The following NKX2-3 variants were observed in gnomAD, a reference collection of about 807,000 sequenced individuals.
NKX2-3 encodes the protein homeobox protein Nkx-2.3.
A neutral mutation model predicts 14.2 loss-of-function variants in NKX2-3; 3 were observed. The ratio of observed to expected loss-of-function variants is 0.21; its 90% CI spans 0.10 to 0.55. NKX2-3 has a LOEUF of 0.55. Among genes scored for constraint, NKX2-3 ranks in the 20% least tolerant of loss-of-function variants. The pLI, the probability that NKX2-3 is intolerant of heterozygous loss-of-function variation, is 0.94. For synonymous variants in NKX2-3, 276 were observed against 234.2 expected (o/e 1.18, Z -1.63); for missense variants, 511 against 514.5 (o/e 0.99, Z 0.06).
rs1589972516 is a variant in NKX2-3, at chr10:99,533,161, C to A, written c.30C>A (p.Thr10=). ...TGTTACCAAGCCCGGTCACCTCCAC[C>A]CCTTTCTCAGTCAAAGACATTTTGA... is the stretch of plus-strand genomic sequence containing the variant. MMLPSPVTS[T]PFSVKDILNL... is the part of the protein sequence containing the mutation. Residue 10 remains threonine, a synonymous_variant, in exon 1 of 2, where the codon ACC becomes ACA. Coordinates refer to ENST00000344586, the MANE Select transcript of NKX2-3 (RefSeq NM_145285.3). 1.9e-6 allele frequency: 3 copies of A among 1,570,364 alleles called. No homozygotes were observed. Among genetic ancestry groups the A allele is most frequent in the Non-Finnish European group, 2.6e-6 (3 of 1,153,950 alleles).
At position 99,536,056 on chromosome 10, in the gene NKX2-3, C is replaced by T. The variant is rs1463363953; in HGVS notation, c.*335C>T. On this transcript the variant is annotated 3_prime_UTR_variant, in exon 2 of 2. Transcript: ENST00000344586. ...TTCCAAAGCGAGAAGGGCTTCTCTC[C>T]CTCTGCCTTTCCGCGGCCTCCGCGA... 4 of 313,914 alleles carry T rather than the reference C, an allele frequency of 1.3e-5. No individual in the cohort carries two copies. The highest frequency in any genetic ancestry group is 6.3e-5 in the East Asian group (1 of 15,848). 19.4% of individuals were successfully genotyped at this position (313,914 alleles called of 1,614,324 possible).
In NKX2-3 at chr10:99,535,828, T is replaced by A; in HGVS notation, c.*107T>A. ...GTCAGGTCCCCTCGTTAAAAAAATA[T>A]GTACGTCTAGCTCCTCAGGGCTTCG... On this transcript the variant is annotated 3_prime_UTR_variant, in exon 2 of 2. Transcript: ENST00000344586. 7.9e-7 allele frequency: 1 copy of A among 1,262,572 alleles called. No individual in the cohort carries two copies. Among genetic ancestry groups the A allele is most frequent in the Non-Finnish European group, 1.1e-6 (1 of 950,372 alleles). 78.2% of individuals were successfully genotyped at this position (1,262,572 alleles called of 1,614,324 possible).
chr10:99,533,542 C>T (rs758998967), intron 1 of NKX2-3, 53 bp downstream of exon 1: 24 of 1,340,392 alleles, frequency 1.8e-5, no homozygotes, highest in Non-Finnish European at 2.3e-5. Flanking sequence ...AATGGCAGAG[C>T]GCACACAAAC....
chr10:99,532,994 A>T lies in NKX2-3; in HGVS notation c.-138A>T. 1.5e-6 allele frequency: 1 copy of T among 655,716 alleles called. No individual in the cohort carries two copies. The highest frequency in any genetic ancestry group is 2.7e-6 in the Non-Finnish European group (1 of 370,358). The allele number at this position is 655,716 out of a possible 1,614,324, so 40.6% of individuals were successfully genotyped here. ...AGGTCCCGGCCAATGGAGGCGATTTAGACTGGAGTGGGACCGCGTCTGTCA... is the reference window on the plus strand; with the variant it reads ...AGGTCCCGGCCAATGGAGGCGATTTTGACTGGAGTGGGACCGCGTCTGTCA... On this transcript the variant is annotated 5_prime_UTR_variant, in exon 1 of 2. The change abolishes the stop of an existing upstream ORF in the 5' untranslated region. Transcript: ENST00000344586.
chr10:99,535,306 C>G lies in NKX2-3; in HGVS notation c.680C>G (p.Ala227Gly). 2 of 1,578,828 alleles carry G rather than the reference C, an allele frequency of 1.3e-6. No homozygotes were observed. Among genetic ancestry groups the G allele is most frequent in the Non-Finnish European group, 1.7e-6 (2 of 1,163,648 alleles). ...HAPPPPPRRV[A>G]VPVLVRDGKP... ...CCCCCGCCGCCGCCGCGCCGCGTGGCTGTCCCGGTGCTGGTGCGGGACGGC... is the reference window on the plus strand; with the variant it reads ...CCCCCGCCGCCGCCGCGCCGCGTGGGTGTCCCGGTGCTGGTGCGGGACGGC... Residue 227 changes from alanine to glycine, a missense_variant, in exon 2 of 2, where the codon GCT becomes GGT. This residue lies in a region of NKX2-3 where 264 missense variants were observed against 254.7 expected (regional missense o/e 1.04). Coordinates refer to ENST00000344586, the MANE Select transcript of NKX2-3 (RefSeq NM_145285.3).
rs771367473 is a variant in NKX2-3 at position 99,535,021 on chromosome 10, G to C, written c.395G>C (p.Gly132Ala). Residue 132 changes from glycine to alanine, a missense_variant, in exon 2 of 2, where the codon GGA becomes GCA. Physicochemically the swap from Gly to Ala is moderately conservative, Grantham distance 60. Coordinates refer to ENST00000344586, the MANE Select transcript of NKX2-3 (RefSeq NM_145285.3). ...CQLKKSLETA[G>A]DCKAAEESER... ...CTGAAGAAGTCTCTAGAGACGGCCG[G>C]AGACTGCAAGGCGGCGGAGGAGAGC... The C allele has an allele frequency of 6.2e-7, 1 of 1,606,202 alleles. No homozygotes were observed. The highest frequency in any genetic ancestry group is 1.7e-5 in the Admixed American group (1 of 59,146).
Position 99,536,426 on chromosome 10 carries a change from T to TTATC in NKX2-3, c.*721_*724dup, listed in dbSNP as rs555693088. The TTATC allele has an allele frequency of 4.3e-3, 657 of 152,972 alleles. 1 individual carries two copies. The highest frequency in any genetic ancestry group is 7.0e-3 in the Admixed American group (108 of 15,326). The allele number at this position is 152,972 out of a possible 1,614,324, so 9.5% of individuals were successfully genotyped here. On this transcript the variant is annotated 3_prime_UTR_variant, in exon 2 of 2. Transcript: ENST00000344586. ...TTTCGTATTCTGTATTCAGCACATG[T>TTATC]TATCTATCTATCTATCTATATAACT...
Position 99,535,367 on chromosome 10 carries a change from C to G in NKX2-3, c.741C>G (p.Gly247=), listed in dbSNP as rs1192094118. The change falls in exon 2 of 2, where the codon GGC becomes GGG. Residue 247 remains glycine (G), a synonymous_variant. Coordinates refer to ENST00000344586, the MANE Select transcript of NKX2-3 (RefSeq NM_145285.3). The part of the protein sequence containing the change: ...PCVTPSAQAY[G]APYSVGASAY... ...TCACGCCCAGCGCGCAGGCCTACGG[C>G]GCGCCCTACAGCGTGGGCGCCAGCG... is the stretch of plus-strand genomic sequence containing the variant. 1 of 1,468,052 alleles carries G rather than the reference C, an allele frequency of 6.8e-7. No homozygotes were observed. The highest frequency in any genetic ancestry group is 9.0e-7 in the Non-Finnish European group (1 of 1,116,790). 90.9% of individuals were successfully genotyped at this position (1,468,052 alleles called of 1,614,324 possible). A position where few individuals can be genotyped will look rare whatever the true frequency, so the allele number is the denominator to read the frequency against.
intron 1 of NKX2-3, among the ~76,000 whole-genome samples, chr10:99,533,704 T>TC (rs201677623): frequency 1.3e-5 from 2 of 151,762 alleles, no homozygotes; most frequent in South Asian, 2.1e-4. Context: ...TGACAACTAC[T>TC]CCCCCCAAAA....
Position 99,533,410 on chromosome 10 carries a change from C to T in NKX2-3, c.279C>T (p.Val93=), listed in dbSNP as rs2033932315. The T allele has an allele frequency of 3.1e-6, 5 of 1,603,446 alleles. No homozygotes were observed. The highest frequency in any genetic ancestry group is 2.3e-5 in the East Asian group (1 of 44,426). The change falls in exon 1 of 2, where the codon GTC becomes GTT. Residue 93 remains valine (V), a synonymous_variant. Transcript: ENST00000344586. ...CAGGGCTGTGTCCCCAGGGCTATGT[C>T]CACACGGTCCTGCGAGACTCGTGCA... is the stretch of plus-strand genomic sequence containing the variant. ...GDSGLCPQGY[V]HTVLRDSCSE... is the part of the protein sequence containing the mutation.
rs889192374 is a variant in NKX2-3 at position 99,535,730 on chromosome 10, C to A, written c.*9C>A. On this transcript the variant is annotated 3_prime_UTR_variant, in exon 2 of 2. Coordinates refer to ENST00000344586, the MANE Select transcript of NKX2-3 (RefSeq NM_145285.3). ...GCATCCGGGCCTGGTAGGGACGGGG[C>A]GGGTCACGCGGCGGGCACCCCAGCG... 5.2e-5 allele frequency: 79 copies of A among 1,528,946 alleles called. No homozygotes were observed. Among genetic ancestry groups the A allele is most frequent in the Non-Finnish European group, 6.7e-5 (77 of 1,143,604 alleles). 94.7% of individuals were successfully genotyped at this position (1,528,946 alleles called of 1,614,324 possible).
At position 99,535,065 on chromosome 10, in the gene NKX2-3, A is replaced by T. The variant is rs953645760; in HGVS notation, c.439A>T (p.Ser147Cys). 2 of 1,605,522 alleles carry T rather than the reference A, an allele frequency of 1.2e-6. No homozygotes were observed. Among genetic ancestry groups the T allele is most frequent in the Non-Finnish European group, 1.7e-6 (2 of 1,176,528 alleles). The change falls in exon 2 of 2, where the codon AGC (serine) becomes TGC (cysteine). Residue 147 changes from serine (S) to cysteine (C), a missense_variant. Around this residue, in one of 3 missense-constraint regions of NKX2-3, gnomAD observed 243 missense variants for 242.3 expected, o/e 1.00. Coordinates refer to ENST00000344586, the MANE Select transcript of NKX2-3 (RefSeq NM_145285.3). Reference protein sequence around the residue: ...AEESERPKPRSRRKPRVLFSQ... With the variant: ...AEESERPKPRCRRKPRVLFSQ... The stretch of plus-strand genomic sequence containing the variant: ...GGAGAGCGAGAGGCCGAAGCCACGC[A>T]GCCGCCGGAAGCCCCGGGTCCTCTT...
intron 1 of NKX2-3, among the ~76,000 whole-genome samples, chr10:99,533,855 G>GAGCCTGGA (rs1418355558): frequency 6.6e-6 from 1 of 152,216 alleles, no homozygotes; most frequent in Non-Finnish European, 1.5e-5. Context: ...AAAAGGGCAG[G>GAGCCTGGA]AGCCTGGACC....
chr10:99,535,568 G>A lies in NKX2-3; in HGVS notation c.942G>A (p.Gln314=). ...CCTCCGCGGCGACCACTGCCATGCA[G>A]CCCGCCTGCAGCGCGGCCGGAGGCG... ...GGTSAATTAM[Q]PACSAAGGGP... Residue 314 remains glutamine, a synonymous_variant, in exon 2 of 2, where the codon CAG becomes CAA. Transcript: ENST00000344586. 1 of 1,490,906 alleles carries A rather than the reference G, an allele frequency of 6.7e-7. No homozygotes were observed. 92.4% of individuals were successfully genotyped at this position (1,490,906 alleles called of 1,614,324 possible).
At chr10:99,533,890 G>A (rs1228757852) in intron 1 of NKX2-3, among the ~76,000 whole-genome samples, 5 of 152,170 alleles carry the variant, frequency 3.3e-5, no homozygotes, top group African/African-American at 1.2e-4. Flanking sequence ...TCTAGGGTGA[G>A]ATGAGTTCTC....
rs1423638915 is a variant in NKX2-3, at chr10:99,535,109, C to G, written c.483C>G (p.Phe161Leu). Reference protein sequence around the residue: ...PRVLFSQAQVFELERRFKQQR... With the variant: ...PRVLFSQAQVLELERRFKQQR... ...TCCTCTTCTCGCAAGCCCAGGTCTT[C>G]GAGCTGGAACGCAGGTTCAAGCAGC... The change falls in exon 2 of 2, where the codon TTC becomes TTG. Residue 161 changes from phenylalanine to leucine, a missense_variant. Transcript: ENST00000344586. 6 of 1,611,350 alleles carry G rather than the reference C, an allele frequency of 3.7e-6. No individual in the cohort carries two copies. The highest frequency in any genetic ancestry group is 1.7e-5 in the Admixed American group (1 of 59,746).
At position 99,535,440 on chromosome 10, in the gene NKX2-3, G is replaced by C. The variant is rs909037776; in HGVS notation, c.814G>C (p.Ala272Pro). The change falls in exon 2 of 2, where the codon GCG becomes CCG. Residue 272 changes from alanine to proline, a missense_variant. This residue lies in a region of NKX2-3 where 264 missense variants were observed against 254.7 expected (regional missense o/e 1.04). Coordinates refer to ENST00000344586, the MANE Select transcript of NKX2-3 (RefSeq NM_145285.3). ...FPAYGYGNSAAAAAAAAAAAA... is the reference protein window; with the variant it reads ...FPAYGYGNSAPAAAAAAAAAA... ...CGCCTACGGCTATGGGAACTCGGCC[G>C]CGGCCGCCGCCGCCGCCGCCGCCGC... 7.6e-7 allele frequency: 1 copy of C among 1,316,682 alleles called. No individual in the cohort carries two copies. The highest frequency in any genetic ancestry group is 1.6e-5 in the African/African-American group (1 of 63,220). The allele number at this position is 1,316,682 out of a possible 1,614,324, so 81.6% of individuals were successfully genotyped here. A position where few individuals can be genotyped will look rare whatever the true frequency, so the allele number is the denominator to read the frequency against.
chr10:99,534,773 A>C (rs897413906), intron 1 of NKX2-3, among the ~76,000 whole-genome samples: 10 of 152,172 alleles, frequency 6.6e-5, no homozygotes, highest in African/African-American at 2.2e-4. Flanking sequence ...ACCCCTCTCC[A>C]CGAAACGCGC....
rs2033963348 is a variant in NKX2-3 at position 99,535,752 on chromosome 10, A to C, written c.*31A>C. The C allele has an allele frequency of 6.6e-7, 1 of 1,519,138 alleles. No homozygotes were observed. Among genetic ancestry groups the C allele is most frequent in the Non-Finnish European group, 8.8e-7 (1 of 1,140,456 alleles). 94.1% of individuals were successfully genotyped at this position (1,519,138 alleles called of 1,614,324 possible). A position where few individuals can be genotyped will look rare whatever the true frequency, so the allele number is the denominator to read the frequency against. ...GGGCGGGTCACGCGGCGGGCACCCC[A>C]GCGCAGCCTGGCGCCGCGGGACTGA... is the stretch of plus-strand genomic sequence containing the variant. On this transcript the variant is annotated 3_prime_UTR_variant, in exon 2 of 2. Transcript: ENST00000344586.
Sources: gnomAD v4.1 joint callset for allele counts (sites outside exome capture counted in the v4.1 genomes callset) on GRCh38, gnomAD v4.1.1 for gene constraint, gnomAD v4.1.1 regional missense constraint, MANE v1.5 for transcripts, NCBI Gene and HGNC (gene_info 2026-07-23, HGNC 2026-07-21) for gene names.